PALM2AKAP2: variants seen among roughly 807,000 people sequenced by gnomAD.
PALM2AKAP2 encodes PALM2 and AKAP2 fusion, also known as PALM2-AKAP2 fusion protein.
PALM2AKAP2 carries 37 observed loss-of-function variants against 71.5 expected under a neutral mutation model. The observed-to-expected ratio is 0.52, with a 90% confidence interval of 0.40 to 0.68. The LOEUF is 0.68. PALM2AKAP2 is among the 30% of genes least tolerant of loss of function. The pLI is 0.00. For synonymous variants in PALM2AKAP2, 468 were observed against 478.8 expected, an observed-to-expected ratio of 0.98 and a Z score of 0.29; for missense variants, 1,224 against 1,191.8, an observed-to-expected ratio of 1.03 and a Z score of -0.40.
chr9:110,090,242 C>T (rs1214156675), intron 1 of PALM2AKAP2: 3 of 416,784 alleles, frequency 7.2e-6, no homozygotes, highest in Admixed American at 2.5e-5. Context: ...TCCTGCTTCC[C>T]CTGAAATCCT....
intron 1 of PALM2AKAP2, among the ~76,000 whole-genome samples, chr9:109,823,400 T>A (rs1012485642): frequency 4.6e-5 from 7 of 152,200 alleles, no homozygotes; most frequent in African/African-American, 1.7e-4. Context: ...CAGTCATGGC[T>A]TCACCATTAA....
intron 1 of PALM2AKAP2, among the ~76,000 whole-genome samples, chr9:109,856,572 T>C (rs961832063): frequency 4.6e-5 from 7 of 152,204 alleles, no homozygotes; most frequent in Non-Finnish European, 8.8e-5. Flanking sequence ...AGGGATGAGG[T>C]GAAGAGAAAG....
intron 1 of PALM2AKAP2, among the ~76,000 whole-genome samples, chr9:109,813,543 G>A (rs1335398983): frequency 6.6e-6 from 1 of 152,150 alleles, no homozygotes; most frequent in East Asian, 1.9e-4. Flanking sequence ...CTTTAAGGAG[G>A]TAGGGATGAG....
At position 110,157,883 on chromosome 9, in the gene PALM2AKAP2, T is replaced by A. The variant is rs137982030; in HGVS notation, c.2748+1386T>A. On this transcript the variant is annotated intron_variant, in intron 3 of 3. Coordinates refer to ENST00000374525, the Ensembl canonical transcript of PALM2AKAP2. ...TGCTGAAAGTTGCTTTCAAAATATA[T>A]GGCGGTAAAGAAAGGAAGAAAGCAA... 1.8e-3 allele frequency among the ~76,000 whole-genome samples: 281 copies of A among 152,348 alleles called. 3 individuals carry two copies. Among genetic ancestry groups the A allele is most frequent in the African/African-American group, 6.6e-3 (276 of 41,572 alleles).
At chr9:110,120,280 C>A (rs1440358140) in intron 1 of PALM2AKAP2, among the ~76,000 whole-genome samples, 1 of 152,196 alleles carries the variant, frequency 6.6e-6, no homozygotes, top group Non-Finnish European at 1.5e-5. Context: ...AGATGAGATA[C>A]CATGCCTGAG....
chr9:109,943,715 G>A (rs1184992513), intron 6 of PALM2AKAP2: 7 of 334,454 alleles, frequency 2.1e-5, no homozygotes, highest in African/African-American at 4.2e-5. Flanking sequence ...CTTCGTATCA[G>A]CCAGTGATAT....
intron 2 of PALM2AKAP2, among the ~76,000 whole-genome samples, chr9:110,153,288 T>C (rs1836368315): frequency 6.6e-6 from 1 of 152,238 alleles, no homozygotes; most frequent in South Asian, 2.1e-4. Context: ...GGCTCCAGAC[T>C]GTGACTGTCA....
chr9:110,084,790 C>G (rs1390402243), intron 1 of PALM2AKAP2, among the ~76,000 whole-genome samples: 1 of 151,768 alleles, frequency 6.6e-6, no homozygotes, highest in African/African-American at 2.4e-5. Flanking sequence ...GGCTGGAGTA[C>G]AGTGGCACGA....
At chr9:109,980,196 A>T (rs1832245584) in intron 6 of PALM2AKAP2, among the ~76,000 whole-genome samples, 1 of 152,164 alleles carries the variant, frequency 6.6e-6, no homozygotes, top group Non-Finnish European at 1.5e-5. Flanking sequence ...TATAAAGGAA[A>T]GAACAAGTCT....
chr9:109,716,753 A>G (rs1384826607), intron 1 of PALM2AKAP2, among the ~76,000 whole-genome samples: 1 of 152,190 alleles, frequency 6.6e-6, no homozygotes, highest in African/African-American at 2.4e-5. Flanking sequence ...CAGGAAGGTG[A>G]GCCTAACCAA....
intron 6 of PALM2AKAP2, 33 bp downstream of exon 6, chr9:109,932,061 G>A (rs369606105): frequency 2.4e-5 from 38 of 1,577,762 alleles, no homozygotes; most frequent in Non-Finnish European, 3.2e-5. Flanking sequence ...CGCTAGGATG[G>A]TCCAAGGGGC....
intron 6 of PALM2AKAP2, among the ~76,000 whole-genome samples, chr9:109,981,717 C>T (rs1286706604): frequency 3.9e-5 from 6 of 152,154 alleles, no homozygotes; most frequent in Non-Finnish European, 1.5e-5. Context: ...TGCTCAACAT[C>T]ATTGATGATC....
At chr9:110,143,930 TCTG>T (rs1836098072) in intron 2 of PALM2AKAP2, among the ~76,000 whole-genome samples, 10 of 152,220 alleles carry the variant, frequency 6.6e-5, no homozygotes, top group Admixed American at 6.5e-4. Flanking sequence ...AGTGTTGACT[TCTG>T]CTGCTGTCTG....
chr9:109,915,386 T>C (rs1312407381), intron 3 of PALM2AKAP2, among the ~76,000 whole-genome samples: 1 of 152,238 alleles, frequency 6.6e-6, no homozygotes, highest in Non-Finnish European at 1.5e-5. Flanking sequence ...GTCTGACCTG[T>C]GCTTCTGTGA....
intron 1 of PALM2AKAP2, among the ~76,000 whole-genome samples, chr9:109,768,020 G>GTTCT (rs1587900634): frequency 1.5e-5 from 1 of 65,028 alleles, no homozygotes; most frequent in East Asian, 2.7e-4. Flanking sequence ...TAGGAAGAAA[G>GTTCT]GAAGGAAGGA....
chr9:109,769,901 C>A (rs769620005), intron 1 of PALM2AKAP2, among the ~76,000 whole-genome samples: 2 of 152,010 alleles, frequency 1.3e-5, no homozygotes, highest in Non-Finnish European at 2.9e-5. Flanking sequence ...AAAGGAGGTA[C>A]CTTCTCGGGG....
chr9:109,934,765 T>G (rs1831183594), intron 6 of PALM2AKAP2, among the ~76,000 whole-genome samples: 1 of 152,232 alleles, frequency 6.6e-6, no homozygotes, highest in East Asian at 1.9e-4. Flanking sequence ...TCCATAGAAT[T>G]GTTGTTTCTG....
chr9:109,797,568 G>GCTC (rs1827296602), intron 1 of PALM2AKAP2, among the ~76,000 whole-genome samples: 1 of 152,168 alleles, frequency 6.6e-6, no homozygotes, highest in Non-Finnish European at 1.5e-5. Flanking sequence ...GGACTGCTGG[G>GCTC]ACCTTTACCA....
At chr9:110,091,751 C>T (rs930031909) in intron 1 of PALM2AKAP2, among the ~76,000 whole-genome samples, 17 of 151,976 alleles carry the variant, frequency 1.1e-4, no homozygotes, top group African/African-American at 9.7e-5. Flanking sequence ...TGTGAGCCAC[C>T]GCGCCCAGCC....
Sources: gnomAD v4.1 joint callset for allele counts (sites outside exome capture counted in the v4.1 genomes callset) on GRCh38, gnomAD v4.1.1 for gene constraint, MANE v1.5 for transcripts, NCBI Gene and HGNC (gene_info 2026-07-23, HGNC 2026-07-21) for gene names.